The following STAB2 variants were observed in gnomAD, a reference collection of about 807,000 sequenced individuals.
STAB2 encodes the protein stabilin-2.
In STAB2, 288 loss-of-function variants were observed where a neutral mutation model predicts 338.1. The observed-to-expected ratio is 0.85, with a 90% confidence interval of 0.77 to 0.94. The LOEUF is 0.94. Among genes scored for constraint, STAB2 ranks in the 40% least tolerant of loss-of-function variants. The pLI is 0.00. For missense variants in STAB2, 3,141 were observed against 3,210.1 expected (o/e 0.98, Z 0.52); for synonymous variants, 1,202 against 1,193.3 (o/e 1.01, Z -0.15).
At chr12:103,665,073 G>T (rs1399683131) in intron 18 of STAB2, among the ~76,000 whole-genome samples, 2 of 152,224 alleles carry the variant, frequency 1.3e-5, no homozygotes, top group Non-Finnish European at 2.9e-5. Flanking sequence ...ATAAGGAAAA[G>T]AACTTCCTAA....
At chr12:103,694,381 C>T (rs181807884) in intron 31 of STAB2, among the ~76,000 whole-genome samples, 1 of 152,164 alleles carries the variant, frequency 6.6e-6, no homozygotes, top group Non-Finnish European at 1.5e-5. Flanking sequence ...CCCTCCTCCC[C>T]CTTCAGCTCC....
At chr12:103,748,855 C>G (rs1266880073) in intron 58 of STAB2, 108 bp from the exon 59 acceptor site, 4 of 1,160,870 alleles carry the variant, frequency 3.4e-6, no homozygotes, top group Non-Finnish European at 4.8e-6. Context: ...ACGCAGGGGC[C>G]CATTTACTCA....
Position 103,761,347 on chromosome 12 carries a change from C to A in STAB2, c.7296C>A (p.Ile2432=). The part of the protein sequence containing the change: ...VDGRAILQWD[I]FASNGIIHVI... Reference sequence around the variant, plus strand: ...GAAGAGCCATTCTGCAGTGGGACATCTTTGCCTCCAATGGGATCATTCATG... The same window carrying A: ...GAAGAGCCATTCTGCAGTGGGACATATTTGCCTCCAATGGGATCATTCATG... Residue 2432 remains isoleucine, a synonymous_variant, in exon 66 of 69, where the codon ATC becomes ATA. Coordinates refer to ENST00000388887, the MANE Select transcript of STAB2 (RefSeq NM_017564.10). 1 of 1,614,104 alleles carries A rather than the reference C, an allele frequency of 6.2e-7. No individual in the cohort carries two copies. The highest frequency in any genetic ancestry group is 1.1e-5 in the South Asian group (1 of 91,070).
intron 56 of STAB2, 128 bp downstream of exon 56, chr12:103,742,682 G>A: frequency 7.0e-7 from 1 of 1,435,610 alleles, no homozygotes; most frequent in South Asian, 1.3e-5. Context: ...CCTCCAATCT[G>A]CCTGCCCTAT....
At chr12:103,590,824 G>A (rs1010553733) in intron 1 of STAB2, 73 bp from the exon 2 acceptor site, 2 of 1,575,334 alleles carry the variant, frequency 1.3e-6, no homozygotes, top group Non-Finnish European at 1.7e-6. Flanking sequence ...CAGTGGAGAA[G>A]ATTGGCCATG....
intron 31 of STAB2, among the ~76,000 whole-genome samples, chr12:103,693,312 A>C (rs1424966216): frequency 6.6e-6 from 1 of 151,796 alleles, no homozygotes; most frequent in Non-Finnish European, 1.5e-5. Flanking sequence ...GCATGCACCT[A>C]TGTGGTCCCA....
intron 43 of STAB2, among the ~76,000 whole-genome samples, chr12:103,717,162 T>C (rs1880381971): frequency 6.6e-6 from 1 of 152,210 alleles, no homozygotes; most frequent in Non-Finnish European, 1.5e-5. Flanking sequence ...GAGTGTGAGC[T>C]GGGCTTCAGC....
At chr12:103,592,598 A>C (rs1385228330) in intron 2 of STAB2, among the ~76,000 whole-genome samples, 2 of 152,226 alleles carry the variant, frequency 1.3e-5, no homozygotes, top group Non-Finnish European at 2.9e-5. Flanking sequence ...TGATGTACAC[A>C]ACTTGATGAG....
chr12:103,730,772 G>A (rs1384938998), intron 49 of STAB2, among the ~76,000 whole-genome samples: 1 of 152,190 alleles, frequency 6.6e-6, no homozygotes, highest in Non-Finnish European at 1.5e-5. Context: ...CACCTGGCTA[G>A]GTGCAGTGGC....
intron 15 of STAB2, among the ~76,000 whole-genome samples, chr12:103,657,147 C>G (rs1874250365): frequency 6.6e-6 from 1 of 150,600 alleles, no homozygotes; most frequent in Non-Finnish European, 1.5e-5. Context: ...ATGATTCACA[C>G]CCAAATTTTA....
rs1391408389 is a variant in STAB2 at position 103,742,452 on chromosome 12, C to A, written c.5929C>A (p.Leu1977Ile). Residue 1977 changes from leucine (L) to isoleucine (I), a missense_variant, in exon 56 of 69, where the codon CTT becomes ATT. Physicochemically the swap from Leu to Ile is conservative, Grantham distance 5. Transcript: ENST00000388887. ...DAPCNNRGVC[L>I]DQYSATGECK... The stretch of plus-strand genomic sequence containing the variant: ...CCCGTGTAATAACCGGGGTGTCTGC[C>A]TTGATCAGTACTCGGCCACCGGAGA... 2.5e-6 allele frequency: 4 copies of A among 1,614,102 alleles called. No homozygotes were observed. Among genetic ancestry groups the A allele is most frequent in the Non-Finnish European group, 3.4e-6 (4 of 1,180,016 alleles).
intron 50 of STAB2, among the ~76,000 whole-genome samples, chr12:103,732,412 C>T (rs1881705363): frequency 6.6e-6 from 1 of 152,162 alleles, no homozygotes; most frequent in Admixed American, 6.5e-5. Flanking sequence ...TAGGGAGGAG[C>T]AGGCCAAGCA....
intron 30 of STAB2, among the ~76,000 whole-genome samples, 157 bp downstream of exon 30, chr12:103,690,695 T>C (rs376668655): frequency 1.4e-4 from 22 of 152,358 alleles, no homozygotes; most frequent in African/African-American, 5.3e-4. Context: ...ATAATTATCA[T>C]CATATATCAA....
intron 44 of STAB2, 146 bp downstream of exon 44, chr12:103,717,987 C>T (rs1463000792): frequency 7.7e-6 from 6 of 777,300 alleles, no homozygotes; most frequent in Non-Finnish European, 1.3e-5. Flanking sequence ...TTCTCTGGCA[C>T]ACTCCATTGT....
intron 52 of STAB2, 35 bp downstream of exon 52, chr12:103,735,615 T>C (rs1417175591): frequency 1.6e-6 from 2 of 1,261,996 alleles, no homozygotes; most frequent in Non-Finnish European, 2.3e-6. Context: ...CAGGGAGGGG[T>C]TAACACATTC....
intron 56 of STAB2, among the ~76,000 whole-genome samples, chr12:103,744,010 TAGG>T (rs1882798192): frequency 6.6e-6 from 1 of 152,132 alleles, no homozygotes. Flanking sequence ...AGGGTATCTG[TAGG>T]AGAACAGGCA....
chr12:103,738,775 C>T (rs1593307382), intron 53 of STAB2, among the ~76,000 whole-genome samples: 1 of 152,156 alleles, frequency 6.6e-6, no homozygotes, highest in East Asian at 1.9e-4. Context: ...CAAAAGTATA[C>T]CATTTAACTT....
At chr12:103,752,161 T>C (rs1048666715) in intron 60 of STAB2, among the ~76,000 whole-genome samples, 1 of 152,232 alleles carries the variant, frequency 6.6e-6, no homozygotes, top group African/African-American at 2.4e-5. Context: ...CCCACCATTA[T>C]TTAACATCAC....
chr12:103,608,984 A>G (rs1216126152), intron 3 of STAB2, among the ~76,000 whole-genome samples: 2 of 152,208 alleles, frequency 1.3e-5, no homozygotes, highest in Admixed American at 6.5e-5. Flanking sequence ...TTTGTCAAAG[A>G]TCAGATAGTT....
Sources: allele counts gnomAD v4.1 joint callset (sites outside exome capture counted in the v4.1 genomes callset), GRCh38; gene constraint gnomAD v4.1.1; transcripts MANE v1.5; gene names NCBI Gene and HGNC (gene_info 2026-07-23, HGNC 2026-07-21).